Variants in CADM1 observed in about 807,000 individuals in gnomAD.
CADM1 encodes cell adhesion molecule 1.
Under a neutral mutation model 53.1 loss-of-function variants are expected in CADM1, and 15 were observed. The ratio of observed to expected loss-of-function variants is 0.28; its 90% confidence interval spans 0.19 to 0.44. CADM1 has a LOEUF of 0.44. CADM1 is among the 20% of genes least tolerant of loss of function. The probability of loss-of-function intolerance (pLI) is 1.00; values close to 1 mark genes in which losing one functional copy is unlikely to be tolerated. For missense variants in CADM1, 434 were observed against 611.3 expected (o/e 0.71, Z 3.06); for synonymous variants, 281 against 243.0 (o/e 1.16, Z -1.45).
chr11:115,411,737 G>C (rs969972235), intron 1 of CADM1, among the ~76,000 whole-genome samples: 1 of 152,116 alleles, frequency 6.6e-6, no homozygotes, highest in African/African-American at 2.4e-5. Flanking sequence ...CACAATCTCA[G>C]TTATCAACGA....
chr11:115,359,297 G>A (rs1254699142), intron 1 of CADM1, among the ~76,000 whole-genome samples: 1 of 152,140 alleles, frequency 6.6e-6, no homozygotes, highest in African/African-American at 2.4e-5. Flanking sequence ...AGATTATTAA[G>A]TAATTTGGGG....
chr11:115,343,706 A>G (rs1172104899), intron 1 of CADM1, among the ~76,000 whole-genome samples: 1 of 144,210 alleles, frequency 6.9e-6, no homozygotes. Flanking sequence ...TCAAATCTGT[A>G]TCATACAGAT....
chr11:115,232,651 T>C (rs1941862324), intron 3 of CADM1, among the ~76,000 whole-genome samples: 1 of 152,180 alleles, frequency 6.6e-6, no homozygotes, highest in Non-Finnish European at 1.5e-5. Flanking sequence ...GTGATAGTGA[T>C]AGTGATGGTG....
rs377236105 is a variant in CADM1 at position 115,336,576 on chromosome 11, C to G, written c.125-96156G>C. ...TTTCTGATTAACTCTTCAATTATACCTACTCTTGGTTTCTACCCTTTCTGA... is the reference window on the plus strand; with the variant it reads ...TTTCTGATTAACTCTTCAATTATACGTACTCTTGGTTTCTACCCTTTCTGA... On this transcript the variant is annotated intron_variant, in intron 1 of 11. Coordinates refer to ENST00000331581, the MANE Select transcript of CADM1 (RefSeq NM_001301043.2). Among the ~76,000 whole-genome samples, 5 of 152,098 alleles carry G rather than the reference C, an allele frequency of 3.3e-5. 1 individual carries two copies. The highest frequency in any genetic ancestry group is 1.3e-4 in the Admixed American group (2 of 15,266).
At chr11:115,257,790 TGTTG>T (rs1245232466) in intron 1 of CADM1, among the ~76,000 whole-genome samples, 2 of 152,208 alleles carry the variant, frequency 1.3e-5, no homozygotes, top group Non-Finnish European at 2.9e-5. Context: ...TAAGGGTGTT[TGTTG>T]GTTGTTTTGC....
intron 7 of CADM1, among the ~76,000 whole-genome samples, chr11:115,213,399 C>A (rs1187518105): frequency 6.6e-6 from 1 of 152,076 alleles, no homozygotes; most frequent in African/African-American, 2.4e-5. Flanking sequence ...CAACCACGGA[C>A]AACATTGGTA....
intron 8 of CADM1, among the ~76,000 whole-genome samples, chr11:115,203,281 G>T (rs757569344): frequency 6.6e-6 from 1 of 152,132 alleles, no homozygotes; most frequent in Non-Finnish European, 1.5e-5. Flanking sequence ...CTGTATAGTG[G>T]TTTCATTTAA....
intron 1 of CADM1, among the ~76,000 whole-genome samples, chr11:115,314,621 T>C (rs1341123856): frequency 6.6e-6 from 1 of 152,184 alleles, no homozygotes; most frequent in Non-Finnish European, 1.5e-5. Context: ...CAAGGTACTA[T>C]GCTGGATGTC....
intron 7 of CADM1, among the ~76,000 whole-genome samples, chr11:115,211,313 G>A (rs956984267): frequency 2.0e-5 from 3 of 151,882 alleles, no homozygotes; most frequent in Non-Finnish European, 2.9e-5. Context: ...AAGACGTCCC[G>A]CTCCCTCCAC....
chr11:115,483,957 A>G (rs933720498), intron 1 of CADM1, among the ~76,000 whole-genome samples: 19 of 152,232 alleles, frequency 1.2e-4, no homozygotes, highest in African/African-American at 4.6e-4. Context: ...AAGGATGCCA[A>G]ACTAGCCAGC....
At chr11:115,503,436 A>C (rs1203529781) in intron 1 of CADM1, among the ~76,000 whole-genome samples, 2 of 151,852 alleles carry the variant, frequency 1.3e-5, no homozygotes, top group African/African-American at 4.8e-5. Context: ...CCCCTCCGCC[A>C]CCCTCGGGCC....
chr11:115,333,659 G>A (rs776079611), intron 1 of CADM1: 7 of 152,128 alleles, frequency 4.6e-5, no homozygotes, highest in East Asian at 1.9e-4. Flanking sequence ...AATGGGAGTC[G>A]GTATCATCTT....
chr11:115,175,802 C>G lies in CADM1; in HGVS notation c.*672G>C. 1 of 992,458 alleles carries G rather than the reference C, an allele frequency of 1.0e-6. No individual in the cohort carries two copies. The highest frequency in any genetic ancestry group is 1.2e-6 in the Non-Finnish European group (1 of 834,034). 61.5% of individuals were successfully genotyped at this position (992,458 alleles called of 1,614,324 possible). A position where few individuals can be genotyped will look rare whatever the true frequency, so the allele number is the denominator to read the frequency against. ...AACAGAACATTTTCTGAATCACAGT[C>G]TAATTTTCTAGTCTTCACTGCTCTA... On this transcript the variant is annotated 3_prime_UTR_variant, in exon 12 of 12. Transcript: ENST00000331581.
intron 1 of CADM1, among the ~76,000 whole-genome samples, chr11:115,448,661 T>C (rs936583240): frequency 1.4e-5 from 1 of 70,904 alleles, no homozygotes; most frequent in African/African-American, 5.9e-5. Context: ...TGTTGGGGGG[T>C]AGGAGGGGGT....
intron 1 of CADM1, among the ~76,000 whole-genome samples, chr11:115,338,264 T>C (rs1428325526): frequency 1.3e-5 from 2 of 152,170 alleles, no homozygotes; most frequent in African/African-American, 4.8e-5. Context: ...GAAACCATTG[T>C]TAAATATCTT....
At chr11:115,499,790 T>C (rs1949693142) in intron 1 of CADM1, among the ~76,000 whole-genome samples, 2 of 152,382 alleles carry the variant, frequency 1.3e-5, no homozygotes, top group African/African-American at 4.8e-5. Context: ...AAAAATTCCA[T>C]GATTATAAGA....
chr11:115,305,137 C>T (rs1189050470), intron 1 of CADM1, among the ~76,000 whole-genome samples: 2 of 151,538 alleles, frequency 1.3e-5, no homozygotes, highest in African/African-American at 2.4e-5. Flanking sequence ...GAGATAACAC[C>T]GAAATCCAAA....
At chr11:115,501,837 C>T (rs1275743473) in intron 1 of CADM1, among the ~76,000 whole-genome samples, 1 of 152,096 alleles carries the variant, frequency 6.6e-6, no homozygotes, top group Non-Finnish European at 1.5e-5. Context: ...TTGGTGCCCA[C>T]CTGAAATTTA....
At chr11:115,251,680 C>T (rs1942610519) in intron 1 of CADM1, among the ~76,000 whole-genome samples, 1 of 152,126 alleles carries the variant, frequency 6.6e-6, no homozygotes, top group South Asian at 2.1e-4. Flanking sequence ...TGACTAAGGC[C>T]CTTATTGCTG....
Sources: allele counts gnomAD v4.1 joint callset (sites outside exome capture counted in the v4.1 genomes callset), GRCh38; gene constraint gnomAD v4.1.1; transcripts MANE v1.5; gene names NCBI Gene and HGNC (gene_info 2026-07-23, HGNC 2026-07-21).